The following SNX29 variants were observed in gnomAD, a reference collection of about 807,000 sequenced individuals.
SNX29 encodes sorting nexin-29.
A neutral mutation model predicts 102.1 loss-of-function variants in SNX29; 78 were observed. The observed-to-expected ratio is 0.76, with a 90% CI of 0.64 to 0.92. SNX29 has a LOEUF of 0.92. Ranked by LOEUF, SNX29 falls within the 40% of genes least tolerant of loss-of-function variation. The pLI is 0.00. For synonymous variants in SNX29, 580 were observed against 414.5 expected, an observed-to-expected ratio of 1.40 and a Z score of -4.85; for missense variants, 1,280 against 1,061.7, an observed-to-expected ratio of 1.21 and a Z score of -2.86.
chr16:12,255,594 G>C (rs550557446), intron 14 of SNX29, among the ~76,000 whole-genome samples: 1 of 131,154 alleles, frequency 7.6e-6, no homozygotes, highest in East Asian at 2.0e-4. Flanking sequence ...CTGCTTCTAT[G>C]CTCATAAGAT....
chr16:12,233,327 T>A (rs2077826837), intron 14 of SNX29, among the ~76,000 whole-genome samples: 1 of 152,152 alleles, frequency 6.6e-6, no homozygotes, highest in African/African-American at 2.4e-5. Context: ...CTAAGCAAAT[T>A]AGTGCCCCAA....
intron 8 of SNX29, 144 bp from the exon 9 acceptor site, chr16:12,061,384 C>G (rs1334041078): frequency 6.2e-6 from 4 of 647,124 alleles, no homozygotes; most frequent in Non-Finnish European, 1.1e-5. Context: ...ACTCCACGCT[C>G]TACCTCCCAG....
chr16:12,376,066 G>T (rs2082864085), intron 16 of SNX29: 1 of 141,818 alleles, frequency 7.1e-6, no homozygotes, highest in African/African-American at 2.6e-5. Context: ...GGCATTCCAT[G>T]ATTTCTACTA....
rs867150529 is a variant in SNX29, at chr16:12,563,155, G to C, written c.2319-5351G>C. ...CACACGTCCTCATCCCAGCTCCAGG[G>C]GGGGCAACTCTGGGCTCAGGGATGT... On this transcript the variant is annotated intron_variant, in intron 20 of 20. Coordinates refer to ENST00000566228, the MANE Select transcript of SNX29 (RefSeq NM_032167.5). 2.6e-5 allele frequency among the ~76,000 whole-genome samples: 4 copies of C among 152,022 alleles called. 1 individual carries two copies. The East Asian group carries it at 7.8e-4, about 30-fold the overall frequency.
intron 16 of SNX29, chr16:12,374,808 T>C (rs972295878): frequency 6.6e-6 from 1 of 152,186 alleles, no homozygotes; most frequent in African/African-American, 2.4e-5. Flanking sequence ...TCTCACTGTT[T>C]TGCATGATTC....
At chr16:12,446,419 CAG>C (rs2086057117) in intron 18 of SNX29, among the ~76,000 whole-genome samples, 1 of 152,184 alleles carries the variant, frequency 6.6e-6, no homozygotes, top group Non-Finnish European at 1.5e-5. Flanking sequence ...AAAAGCTCAG[CAG>C]AGTCATTAAT....
intron 18 of SNX29, among the ~76,000 whole-genome samples, chr16:12,477,297 C>T (rs61657455): frequency 0.017 from 2,620 of 152,268 alleles, 99 homozygotes; most frequent in African/African-American, 0.061. Flanking sequence ...CCACATTGCC[C>T]TCCAAACCAC....
chr16:12,435,812 C>A (rs2085507729), intron 18 of SNX29, among the ~76,000 whole-genome samples: 1 of 152,154 alleles, frequency 6.6e-6, no homozygotes, highest in African/African-American at 2.4e-5. Flanking sequence ...TTGTTGGTTC[C>A]CCTGGCTTCT....
At chr16:12,556,857 A>C (rs75636412) in intron 20 of SNX29, among the ~76,000 whole-genome samples, 2,176 of 150,874 alleles carry the variant, frequency 0.014, 54 homozygotes, top group South Asian at 0.11. Flanking sequence ...GAAAAAATTG[A>C]ATTTTTTTTT....
At chr16:12,153,960 G>T (rs12597440) in intron 13 of SNX29, among the ~76,000 whole-genome samples, 2 of 152,068 alleles carry the variant, frequency 1.3e-5, no homozygotes, top group Non-Finnish European at 2.9e-5. Context: ...TTATGGAGAC[G>T]GTGTCCTCCC....
At chr16:12,207,950 C>A (rs1367323208) in intron 14 of SNX29, among the ~76,000 whole-genome samples, 1 of 152,094 alleles carries the variant, frequency 6.6e-6, no homozygotes, top group African/African-American at 2.4e-5. Context: ...TTTTATTAAT[C>A]AAGTACACAA....
chr16:12,554,798 T>C (rs76676327), intron 20 of SNX29, among the ~76,000 whole-genome samples: 2,326 of 152,280 alleles, frequency 0.015, 54 homozygotes, highest in African/African-American at 0.052. Flanking sequence ...TTGTTTATTC[T>C]AGAAATTTGT....
chr16:12,196,906 C>T (rs925270687), intron 13 of SNX29, among the ~76,000 whole-genome samples: 10 of 152,172 alleles, frequency 6.6e-5, no homozygotes, highest in African/African-American at 1.9e-4. Context: ...CAGGTGTGAG[C>T]CACTGCACCC....
intron 13 of SNX29, among the ~76,000 whole-genome samples, chr16:12,147,628 G>C (rs1189295721): frequency 6.6e-6 from 1 of 152,198 alleles, no homozygotes; most frequent in Non-Finnish European, 1.5e-5. Context: ...GAAACAGCTG[G>C]ATGTAGCCGA....
chr16:12,531,813 G>GAA (rs1441868465), intron 20 of SNX29, among the ~76,000 whole-genome samples: 7 of 152,222 alleles, frequency 4.6e-5, no homozygotes, highest in Non-Finnish European at 1.0e-4. Flanking sequence ...AGGGCAGAGT[G>GAA]AACGTCTTCT....
chr16:12,036,280 G>C (rs2057469329), intron 4 of SNX29, among the ~76,000 whole-genome samples: 1 of 149,416 alleles, frequency 6.7e-6, no homozygotes, highest in Admixed American at 6.7e-5. Context: ...TTAGAGATGG[G>C]TTCTTACTAT....
chr16:12,078,948 T>A, intron 11 of SNX29, 33 bp downstream of exon 11: 1 of 1,554,134 alleles, frequency 6.4e-7, no homozygotes, highest in Non-Finnish European at 8.7e-7. Context: ...CCACCAGCTC[T>A]GGGATGACTT....
intron 8 of SNX29, among the ~76,000 whole-genome samples, chr16:12,059,715 AGAAGACTGTGTCAT>A (rs1309388224): frequency 6.6e-6 from 1 of 152,224 alleles, no homozygotes; most frequent in East Asian, 1.9e-4. Context: ...ACACCAAGAA[AGAAGACTGTGTCAT>A]GAAGCCTGAA....
At chr16:12,287,364 G>A (rs937879726) in intron 15 of SNX29, among the ~76,000 whole-genome samples, 1 of 152,180 alleles carries the variant, frequency 6.6e-6, no homozygotes, top group African/African-American at 2.4e-5. Context: ...TATCTCACAG[G>A]TGTCTCTCTG....
Sources: allele counts gnomAD v4.1 joint callset (sites outside exome capture counted in the v4.1 genomes callset), GRCh38; gene constraint gnomAD v4.1.1; transcripts MANE v1.5; gene names NCBI Gene and HGNC (gene_info 2026-07-23, HGNC 2026-07-21).